Variants in ABTB2 observed in about 807,000 individuals in gnomAD.
ABTB2 encodes the protein ankyrin repeat and BTB/POZ domain-containing protein 2.
Under a neutral mutation model 104.1 loss-of-function variants are expected in ABTB2, and 56 were observed. The observed-to-expected ratio is 0.54, with a 90% confidence interval of 0.43 to 0.67. ABTB2 has a LOEUF of 0.67. ABTB2 is among the 30% of genes least tolerant of loss of function. The pLI, the probability that ABTB2 is intolerant of heterozygous loss-of-function variation, is 0.00. For missense variants in ABTB2, 1,279 were observed against 1,407.7 expected (o/e 0.91, Z 1.46); for synonymous variants, 606 against 608.2 (o/e 1.00, Z 0.05).
At chr11:34,243,213 C>T (rs556815568) in intron 1 of ABTB2, among the ~76,000 whole-genome samples, 133 of 152,262 alleles carry the variant, frequency 8.7e-4, no homozygotes, top group African/African-American at 3.1e-3. Flanking sequence ...TGAGAACAAG[C>T]AACCCATTTC....
chr11:34,214,573 T>C, intron 1 of ABTB2, among the ~76,000 whole-genome samples: 1 of 146,702 alleles, frequency 6.8e-6, no homozygotes, highest in African/African-American at 2.5e-5. Context: ...AGGTTCTTGC[T>C]CTGTCTCTCA....
chr11:34,159,431 T>G (rs771635978), intron 13 of ABTB2, 45 bp from the exon 14 acceptor site: 2 of 1,320,642 alleles, frequency 1.5e-6, no homozygotes, highest in South Asian at 2.3e-5. Context: ...AACCTTTTAC[T>G]TCACCACTGT....
chr11:34,271,873 C>A (rs1854318642), intron 1 of ABTB2, among the ~76,000 whole-genome samples: 1 of 152,206 alleles, frequency 6.6e-6, no homozygotes, highest in Admixed American at 6.5e-5. Flanking sequence ...ATATCCCTAG[C>A]ATCCTGTGAG....
At chr11:34,165,441 C>T in intron 7 of ABTB2, 85 bp from the exon 8 acceptor site, 2 of 1,111,478 alleles carry the variant, frequency 1.8e-6, no homozygotes, top group South Asian at 1.5e-5. Context: ...GGGACAGGGC[C>T]TTTGCTTCTC....
At chr11:34,352,829 G>A (rs1004462786) in intron 1 of ABTB2, among the ~76,000 whole-genome samples, 1 of 152,230 alleles carries the variant, frequency 6.6e-6, no homozygotes, top group African/African-American at 2.4e-5. Flanking sequence ...GCTGAAGCGG[G>A]AGAATCCCTT....
At chr11:34,279,437 G>A (rs968867249) in intron 1 of ABTB2, among the ~76,000 whole-genome samples, 2 of 152,076 alleles carry the variant, frequency 1.3e-5, no homozygotes, top group East Asian at 1.9e-4. Context: ...ATCCTATAAA[G>A]AGCCTACTAT....
rs1462800386 is a variant in ABTB2 at position 34,197,408 on chromosome 11, G to T, written c.1161C>A (p.Leu387=). 3.1e-6 allele frequency: 5 copies of T among 1,611,420 alleles called. No homozygotes were observed. Among genetic ancestry groups the T allele is most frequent in the Non-Finnish European group, 4.2e-6 (5 of 1,177,998 alleles). Residue 387 remains leucine, a synonymous_variant, in exon 3 of 17, where the codon CTC becomes CTA. Coordinates refer to ENST00000435224, the MANE Select transcript of ABTB2 (RefSeq NM_145804.3). ...TCTGTGGACACCGCAGAAAGTAGTA[G>T]AGCGTGTGGAGGGCGTCGGGGGACC... ...ITWSPDALHT[L]YYFLRCPQME...
rs555870081 is a variant in ABTB2, at chr11:34,178,367, T to C, written c.1245-5060A>G. On this transcript the variant is annotated intron_variant, in intron 3 of 16. Transcript: ENST00000435224. ...ATGGGCTGTGGGTTCCAGGCTACTG[T>C]TTCCTTCCTGATAATTCCATGGAGT... Among the ~76,000 whole-genome samples the C allele has an allele frequency of 2.6e-5, 4 of 152,322 alleles. No homozygotes were observed. The South Asian group carries it at 8.3e-4, about 32-fold the overall frequency.
intron 13 of ABTB2, 27 bp from the exon 14 acceptor site, chr11:34,159,413 G>T: frequency 6.4e-7 from 1 of 1,557,996 alleles, no homozygotes; most frequent in Non-Finnish European, 8.9e-7. Flanking sequence ...AAAGCAAGGT[G>T]GGTTTTGAAC....
chr11:34,235,019 G>A (rs1186119989), intron 1 of ABTB2, among the ~76,000 whole-genome samples: 5 of 152,100 alleles, frequency 3.3e-5, no homozygotes, highest in Non-Finnish European at 7.4e-5. Context: ...CACGGCGCCT[G>A]GCTAATTTTT....
chr11:34,180,239 T>C (rs1853010249), intron 3 of ABTB2, among the ~76,000 whole-genome samples: 1 of 152,114 alleles, frequency 6.6e-6, no homozygotes, highest in African/African-American at 2.4e-5. Flanking sequence ...AGAAAACAAA[T>C]GCAACCACTA....
rs192649850 is a variant in ABTB2 at position 34,269,328 on chromosome 11, T to C, written c.884-64638A>G. 6.6e-5 allele frequency among the ~76,000 whole-genome samples: 10 copies of C among 152,328 alleles called. No individual in the cohort carries two copies. The East Asian group carries it at 1.9e-3, about 29-fold the overall frequency. The stretch of plus-strand genomic sequence containing the variant: ...TCTGTTGTTTAGGGCAGATTTGCTG[T>C]GGTCACAGCAGATTTGCTTCTGTGA... On this transcript the variant is annotated intron_variant, in intron 1 of 16. Transcript: ENST00000435224.
chr11:34,258,381 C>T (rs73495578), intron 1 of ABTB2, among the ~76,000 whole-genome samples: 4,616 of 152,132 alleles, frequency 0.03, 248 homozygotes, highest in African/African-American at 0.11. Context: ...ACCTGTCTTA[C>T]AGATGAGAAA....
intron 1 of ABTB2, among the ~76,000 whole-genome samples, chr11:34,243,567 C>T (rs1728769390): frequency 6.6e-6 from 1 of 152,236 alleles, no homozygotes; most frequent in African/African-American, 2.4e-5. Flanking sequence ...CACCTTTGAT[C>T]CGCAAGGATA....
At position 34,170,966 on chromosome 11, in the gene ABTB2, G is replaced by A. The variant is rs1852865977; in HGVS notation, c.1503C>T (p.Asp501=). 1.2e-6 allele frequency: 2 copies of A among 1,614,074 alleles called. No homozygotes were observed. The highest frequency in any genetic ancestry group is 8.5e-7 in the Non-Finnish European group (1 of 1,180,048). The part of the protein sequence containing the change: ...GFRMLNCGRT[D]LINQAIEALG... Reference sequence around the variant, plus strand: ...AGGCCTCGATGGCTTGGTTGATGAGGTCCGTCCTCCCACAGTTGAGCATGC... The same window carrying A: ...AGGCCTCGATGGCTTGGTTGATGAGATCCGTCCTCCCACAGTTGAGCATGC... The change falls in exon 5 of 17, where the codon GAC becomes GAT. Residue 501 remains aspartate (D), a synonymous_variant. Transcript: ENST00000435224.
intron 14 of ABTB2, among the ~76,000 whole-genome samples, chr11:34,155,607 G>C (rs991383819): frequency 6.6e-6 from 1 of 152,264 alleles, no homozygotes; most frequent in Non-Finnish European, 1.5e-5. Flanking sequence ...GCACAGTCGG[G>C]CTCTGTCAAG....
At position 34,162,599 on chromosome 11, in the gene ABTB2, A is replaced by G; in HGVS notation, c.2195T>C (p.Ile732Thr). The G allele has an allele frequency of 6.2e-7, 1 of 1,613,504 alleles. No homozygotes were observed. Among genetic ancestry groups the G allele is most frequent in the Non-Finnish European group, 8.5e-7 (1 of 1,179,946 alleles). ...YYSAEHGYVD[I>T]TMELRALGVP... The stretch of plus-strand genomic sequence containing the variant: ...ACCCAGTGCCCTCAGCTCCATGGTG[A>G]TGTCCACGTAGCCGTGCTCAGCGCT... The change falls in exon 10 of 17, where the codon ATC becomes ACC. Residue 732 changes from isoleucine to threonine, a missense_variant. Coordinates refer to ENST00000435224, the MANE Select transcript of ABTB2 (RefSeq NM_145804.3).
In ABTB2 at chr11:34,254,945, G is replaced by A. The variant is rs201181646; in HGVS notation, c.884-50255C>T. On this transcript the variant is annotated intron_variant, in intron 1 of 16. Coordinates refer to ENST00000435224, the MANE Select transcript of ABTB2 (RefSeq NM_145804.3). ...GCCTCACACCTCTGAGATTACAGGT[G>A]CGAGCTACCATGCCCAGCCCTGATT... is the stretch of plus-strand genomic sequence containing the variant. 5.2e-4 allele frequency among the ~76,000 whole-genome samples: 79 copies of A among 152,268 alleles called. 1 individual carries two copies. The East Asian group carries it at 0.015, about 29-fold the overall frequency.
At chr11:34,301,488 G>A (rs911362685) in intron 1 of ABTB2, among the ~76,000 whole-genome samples, 25 of 152,076 alleles carry the variant, frequency 1.6e-4, no homozygotes, top group African/African-American at 5.8e-4. Context: ...ACATAAATTG[G>A]GGCAATCAGA....
Sources: allele counts gnomAD v4.1 joint callset (sites outside exome capture counted in the v4.1 genomes callset), GRCh38; gene constraint gnomAD v4.1.1; transcripts MANE v1.5; gene names NCBI Gene and HGNC (gene_info 2026-07-23, HGNC 2026-07-21).